The following KIF26B variants were observed in gnomAD, a reference collection of about 807,000 sequenced individuals.
The protein encoded by KIF26B is kinesin family member 26B, also known as kinesin-like protein KIF26B.
A neutral mutation model predicts 151.2 loss-of-function variants in KIF26B; 63 were observed. That is an observed-to-expected ratio of 0.42 (90% confidence interval 0.34 to 0.51). KIF26B has a LOEUF of 0.51. KIF26B is among the 20% of genes least tolerant of loss of function. The pLI is 0.07. For missense variants in KIF26B, 2,813 were observed against 2,913.6 expected (o/e 0.97, Z 0.79); for synonymous variants, 1,357 against 1,262.1 (o/e 1.08, Z -1.59).
intron 2 of KIF26B, among the ~76,000 whole-genome samples, chr1:245,198,420 G>C (rs1251845560): frequency 2.0e-5 from 3 of 152,222 alleles, no homozygotes; most frequent in African/African-American, 7.2e-5. Flanking sequence ...AAAACAGAGT[G>C]TAATATTTGG....
At chr1:245,323,194 A>G (rs987723052) in intron 2 of KIF26B, among the ~76,000 whole-genome samples, 1 of 152,158 alleles carries the variant, frequency 6.6e-6, no homozygotes, top group Non-Finnish European at 1.5e-5. Context: ...ACACGCATGG[A>G]TTTGTGTAGA....
At chr1:245,269,796 A>G (rs2102962617) in intron 2 of KIF26B, among the ~76,000 whole-genome samples, 1 of 152,104 alleles carries the variant, frequency 6.6e-6, no homozygotes, top group East Asian at 1.9e-4. Flanking sequence ...TAAAGGCTGA[A>G]TAATATTCCG....
chr1:245,211,475 G>A (rs978103559), intron 2 of KIF26B, among the ~76,000 whole-genome samples: 1 of 152,002 alleles, frequency 6.6e-6, no homozygotes, highest in African/African-American at 2.4e-5. Flanking sequence ...TCAGCTCACT[G>A]TAACCTTGAA....
chr1:245,569,377 AC>A (rs1447463397), intron 5 of KIF26B, among the ~76,000 whole-genome samples: 1 of 151,980 alleles, frequency 6.6e-6, no homozygotes, highest in Non-Finnish European at 1.5e-5. Context: ...GGAGGCTGAG[AC>A]GGGAGGATTA....
At chr1:245,277,000 A>G (rs1275013608) in intron 2 of KIF26B, among the ~76,000 whole-genome samples, 1 of 152,176 alleles carries the variant, frequency 6.6e-6, no homozygotes, top group African/African-American at 2.4e-5. Context: ...AGACACAAAC[A>G]CAGAGGAGAA....
chr1:245,261,896 T>C (rs996094366), intron 2 of KIF26B, among the ~76,000 whole-genome samples: 1 of 152,108 alleles, frequency 6.6e-6, no homozygotes, highest in African/African-American at 2.4e-5. Flanking sequence ...CCCTTGTATT[T>C]CTTGATGGTT....
intron 4 of KIF26B, among the ~76,000 whole-genome samples, chr1:245,486,364 A>G (rs1660280087): frequency 1.3e-5 from 2 of 150,000 alleles, no homozygotes. Context: ...GTTTCAGCAA[A>G]GTATAAGATA....
chr1:245,498,837 CCT>C (rs1660562588), intron 4 of KIF26B, among the ~76,000 whole-genome samples: 2 of 152,310 alleles, frequency 1.3e-5, no homozygotes, highest in South Asian at 4.1e-4. Flanking sequence ...GTCTCTCACT[CCT>C]CTCTCTTCCC....
At chr1:245,486,341 C>T (rs1660279267) in intron 4 of KIF26B, among the ~76,000 whole-genome samples, 4 of 151,520 alleles carry the variant, frequency 2.6e-5, no homozygotes, top group Non-Finnish European at 4.4e-5. Context: ...AAATCATTTT[C>T]AGGAAAGAAG....
chr1:245,161,211 A>G (rs1668525150), intron 2 of KIF26B, among the ~76,000 whole-genome samples: 2 of 152,210 alleles, frequency 1.3e-5, no homozygotes, highest in Non-Finnish European at 1.5e-5. Context: ...ACATTTTGGG[A>G]GTTTATAAAA....
intron 4 of KIF26B, among the ~76,000 whole-genome samples, chr1:245,468,660 GAAAT>G (rs1659844924): frequency 6.6e-6 from 1 of 151,478 alleles, no homozygotes. Context: ...ATTATTGTCT[GAAAT>G]ACTTACATCT....
chr1:245,162,162 A>G (rs1668542634), intron 2 of KIF26B, among the ~76,000 whole-genome samples: 1 of 152,188 alleles, frequency 6.6e-6, no homozygotes, highest in Non-Finnish European at 1.5e-5. Flanking sequence ...CCTCAAAAAG[A>G]TTGCAAATTG....
chr1:245,514,567 A>G (rs1284708471), intron 4 of KIF26B, among the ~76,000 whole-genome samples: 1 of 151,962 alleles, frequency 6.6e-6, no homozygotes, highest in East Asian at 1.9e-4. Flanking sequence ...TAAAAAATAG[A>G]CATTTATATA....
intron 5 of KIF26B, among the ~76,000 whole-genome samples, chr1:245,551,866 G>C (rs538298222): frequency 3.6e-4 from 55 of 152,210 alleles, no homozygotes; most frequent in African/African-American, 1.1e-3. Flanking sequence ...CAGGCTGGGT[G>C]CCCCCTCGTG....
At chr1:245,402,049 G>T (rs978547562) in intron 3 of KIF26B, among the ~76,000 whole-genome samples, 7 of 152,174 alleles carry the variant, frequency 4.6e-5, no homozygotes, top group African/African-American at 1.7e-4. Context: ...GAGGATTGAG[G>T]CTCCCCTAGG....
chr1:245,225,204 C>G (rs1669849975), intron 2 of KIF26B, among the ~76,000 whole-genome samples: 1 of 152,208 alleles, frequency 6.6e-6, no homozygotes, highest in Admixed American at 6.5e-5. Context: ...CTTGAGGTGG[C>G]AGTAACCTTG....
chr1:245,288,995 T>A (rs1284936451), intron 2 of KIF26B, among the ~76,000 whole-genome samples: 1 of 152,182 alleles, frequency 6.6e-6, no homozygotes, highest in African/African-American at 2.4e-5. Context: ...ATGGGTTCCA[T>A]TGTATTTGAA....
At chr1:245,366,179 T>C (rs1315587347) in intron 2 of KIF26B, among the ~76,000 whole-genome samples, 2 of 152,194 alleles carry the variant, frequency 1.3e-5, no homozygotes, top group Admixed American at 1.3e-4. Context: ...GTTTGTTCCT[T>C]CTGATTGAAC....
chr1:245,381,474 C>T (rs555877357), intron 3 of KIF26B, among the ~76,000 whole-genome samples: 40 of 152,170 alleles, frequency 2.6e-4, no homozygotes, highest in African/African-American at 9.4e-4. Flanking sequence ...TAAAACATTG[C>T]GAGATTTTTT....
Sources: allele counts gnomAD v4.1 joint callset (sites outside exome capture counted in the v4.1 genomes callset), GRCh38; gene constraint gnomAD v4.1.1; transcripts MANE v1.5; gene names NCBI Gene and HGNC (gene_info 2026-07-23, HGNC 2026-07-21).